USP7: variants seen among roughly 807,000 people sequenced by gnomAD.
USP7 encodes ubiquitin specific peptidase 7.
In USP7, 9 loss-of-function variants were observed where a neutral mutation model predicts 162.9. The observed-to-expected ratio is 0.06, with a 90% CI of 0.03 to 0.10. The LOEUF (loss-of-function observed/expected upper bound fraction) is 0.10. USP7 is among the 10% of genes least tolerant of loss of function. The pLI is 1.00. For synonymous variants in USP7, 562 were observed against 475.9 expected, an observed-to-expected ratio of 1.18 and a Z score of -2.35; for missense variants, 715 against 1,373.7, an observed-to-expected ratio of 0.52 and a Z score of 7.58.
intron 1 of USP7, among the ~76,000 whole-genome samples, chr16:8,944,085 T>C (rs1226481603): frequency 6.6e-6 from 1 of 152,160 alleles, no homozygotes; most frequent in Non-Finnish European, 1.5e-5. Context: ...ACTGGGACAA[T>C]ATCCATAATA....
At chr16:8,957,657 C>G (rs1899861003) in intron 1 of USP7, among the ~76,000 whole-genome samples, 1 of 151,518 alleles carries the variant, frequency 6.6e-6, no homozygotes, top group Non-Finnish European at 1.5e-5. Flanking sequence ...ACTTGGAAGG[C>G]TGAGGTGGGA....
At chr16:8,956,842 C>T (rs535504777) in intron 1 of USP7, among the ~76,000 whole-genome samples, 59 of 152,302 alleles carry the variant, frequency 3.9e-4, no homozygotes, top group African/African-American at 1.3e-3. Flanking sequence ...AGCCCAGCCC[C>T]CCCGCAGGCA....
chr16:8,926,402 C>A (rs1469800007), intron 2 of USP7, among the ~76,000 whole-genome samples: 1 of 152,052 alleles, frequency 6.6e-6, no homozygotes, highest in Admixed American at 6.5e-5. Context: ...TCGCTTGAAC[C>A]TGGGAGGTGG....
chr16:8,919,937 T>C (rs757781723), intron 5 of USP7, among the ~76,000 whole-genome samples: 19 of 152,132 alleles, frequency 1.2e-4, no homozygotes, highest in Non-Finnish European at 2.1e-4. Context: ...TCTTTACTCC[T>C]CGCTCACCAT....
Position 8,920,521 on chromosome 16 carries a change from G to T in USP7, c.523-74C>A, listed in dbSNP as rs950563151. 2.4e-6 allele frequency: 3 copies of T among 1,263,946 alleles called. No individual in the cohort carries two copies. The African/African-American group carries it at 4.5e-5, about 19-fold the overall frequency. 78.3% of individuals were successfully genotyped at this position (1,263,946 alleles called of 1,614,324 possible). The stretch of plus-strand genomic sequence containing the variant: ...TATTCCCAAGAGACAAATTACATTA[G>T]TGCCCTGTACTTAATAGAGATGAAA... On this transcript the variant is annotated intron_variant, in intron 4 of 30. Coordinates refer to ENST00000344836, the MANE Select transcript of USP7 (RefSeq NM_003470.3).
At chr16:8,895,000 G>GT in intron 28 of USP7, 31 bp downstream of exon 28, 1 of 1,614,140 alleles carries the variant, frequency 6.2e-7, no homozygotes, top group Non-Finnish European at 8.5e-7. Context: ...AGGTTTTGAC[G>GT]TGAGCCACTC....
At chr16:8,929,615 C>G in intron 2 of USP7, 1 of 455,976 alleles carries the variant, frequency 2.2e-6, no homozygotes, top group Non-Finnish European at 4.4e-6. Context: ...ATATTACACT[C>G]AAGACTCCAG....
At chr16:8,933,460 G>C (rs1472964230) in intron 1 of USP7, among the ~76,000 whole-genome samples, 2 of 152,172 alleles carry the variant, frequency 1.3e-5, no homozygotes, top group Non-Finnish European at 2.9e-5. Flanking sequence ...GTCCTGTGTT[G>C]AAATAGAAAT....
chr16:8,919,538 C>A (rs977582833), intron 5 of USP7, among the ~76,000 whole-genome samples: 1 of 152,128 alleles, frequency 6.6e-6, no homozygotes, highest in African/African-American at 2.4e-5. Context: ...TGTAGACACA[C>A]ACACAAGAAG....
chr16:8,960,259 G>A (rs1206814255), intron 1 of USP7, among the ~76,000 whole-genome samples: 1 of 152,184 alleles, frequency 6.6e-6, no homozygotes, highest in Non-Finnish European at 1.5e-5. Flanking sequence ...CTTACAGGGA[G>A]TGTGTGGTTG....
intron 1 of USP7, among the ~76,000 whole-genome samples, chr16:8,960,746 G>A (rs1333040018): frequency 2.0e-5 from 3 of 152,190 alleles, no homozygotes; most frequent in Non-Finnish European, 2.9e-5. Context: ...CTTTTTAACA[G>A]AAGTGTTCTC....
intron 25 of USP7, among the ~76,000 whole-genome samples, chr16:8,897,746 T>TATATATAA (rs71155416): frequency 4.9e-5 from 5 of 103,030 alleles, no homozygotes; most frequent in Non-Finnish European, 9.4e-5. Flanking sequence ...TATATATATA[T>TATATATAA]AAATGAGTTG....
At chr16:8,955,726 A>AAG (rs71155423) in intron 1 of USP7, among the ~76,000 whole-genome samples, 1 of 148,268 alleles carries the variant, frequency 6.7e-6, no homozygotes, top group East Asian at 1.9e-4. Flanking sequence ...AAAAAAAAAA[A>AAG]CATTGCACAG....
chr16:8,954,636 C>T (rs966458648), intron 1 of USP7, among the ~76,000 whole-genome samples: 1 of 152,152 alleles, frequency 6.6e-6, no homozygotes, highest in African/African-American at 2.4e-5. Context: ...ACTTTACTAA[C>T]TAAATACGAA....
intron 25 of USP7, 111 bp from the exon 26 acceptor site, chr16:8,897,210 C>G: frequency 1.2e-6 from 1 of 817,096 alleles, no homozygotes; most frequent in Non-Finnish European, 2.0e-6. Flanking sequence ...CCCCAGCTGG[C>G]CCCCATGTTC....
intron 8 of USP7, among the ~76,000 whole-genome samples, chr16:8,916,206 C>G (rs1897361115): frequency 1.3e-5 from 2 of 152,164 alleles, no homozygotes; most frequent in Admixed American, 6.5e-5. Flanking sequence ...CCAACAAAGC[C>G]AGTCTTTGGT....
At chr16:8,937,591 T>G (rs953910653) in intron 1 of USP7, among the ~76,000 whole-genome samples, 1 of 151,912 alleles carries the variant, frequency 6.6e-6, no homozygotes, top group African/African-American at 2.4e-5. Flanking sequence ...TCCCAGCCAC[T>G]TGGGAGGCTG....
At chr16:8,903,209 CGGAA>C in intron 16 of USP7, 55 bp downstream of exon 16, 1 of 1,574,910 alleles carries the variant, frequency 6.3e-7, no homozygotes, top group Middle Eastern at 2.3e-4. Context: ...TCTAGTGACA[CGGAA>C]GGAAGGTGGA....
chr16:8,902,394 T>C lies in USP7; in HGVS notation c.1928A>G (p.Asp643Gly). ...KRPAMLDNEA[D>G]GNKTMIELSD... Reference sequence around the variant, plus strand: ...AACAATATTTACTGTTTTATTGCCGTCGGCTTCATTATCTAACATTGCTGG... The same window carrying C: ...AACAATATTTACTGTTTTATTGCCGCCGGCTTCATTATCTAACATTGCTGG... The change falls in exon 17 of 31, where the codon GAC becomes GGC. Residue 643 changes from aspartate (D) to glycine (G), a missense_variant. Around this residue, in one of 11 missense-constraint regions of USP7, gnomAD observed 197 missense variants for 306.5 expected, o/e 0.64. Transcript: ENST00000344836. 6.2e-7 allele frequency: 1 copy of C among 1,614,106 alleles called. No individual in the cohort carries two copies. The highest frequency in any genetic ancestry group is 8.5e-7 in the Non-Finnish European group (1 of 1,180,002).
Sources: gnomAD v4.1 joint callset for allele counts (sites outside exome capture counted in the v4.1 genomes callset) on GRCh38, gnomAD v4.1.1 for gene constraint, gnomAD v4.1.1 regional missense constraint, MANE v1.5 for transcripts, NCBI Gene and HGNC (gene_info 2026-07-23, HGNC 2026-07-21) for gene names.